HNMT: variants seen among roughly 807,000 people sequenced by gnomAD.
The protein encoded by HNMT is histamine N-methyltransferase.
In HNMT, 30 loss-of-function variants were observed where a neutral mutation model predicts 32.1. That is an observed-to-expected ratio of 0.93 (90% CI 0.70 to 1.27). The LOEUF is 1.27. Among genes scored for constraint, HNMT ranks in the 50% most tolerant of loss-of-function variants. HNMT has a pLI of 0.00. For synonymous variants in HNMT, 125 were observed against 119.0 expected (o/e 1.05, Z -0.33); for missense variants, 327 against 346.0 (o/e 0.95, Z 0.43).
intron 5 of HNMT, among the ~76,000 whole-genome samples, chr2:138,010,008 T>G (rs1456332242): frequency 1.3e-5 from 2 of 152,080 alleles, no homozygotes; most frequent in African/African-American, 4.8e-5. Flanking sequence ...TAAGTTCTGT[T>G]TTTATTAAGA....
At chr2:137,970,929 AAAAAAAAGAAAGAAAGAAAG>A (rs1558950951) in intron 2 of HNMT, among the ~76,000 whole-genome samples, 1 of 66,034 alleles carries the variant, frequency 1.5e-5, no homozygotes, top group East Asian at 5.7e-4. Flanking sequence ...CAAAAAAAAA[AAAAAAAAGAAAGAAAGAAAG>A]AAAGAAAGAA....
At chr2:138,009,005 A>G (rs536569363) in intron 5 of HNMT, among the ~76,000 whole-genome samples, 2 of 152,142 alleles carry the variant, frequency 1.3e-5, no homozygotes, top group African/African-American at 4.8e-5. Context: ...CATAGTATGC[A>G]TTTGACAAAG....
chr2:137,973,240 G>A (rs1680187538), intron 2 of HNMT, among the ~76,000 whole-genome samples: 1 of 152,132 alleles, frequency 6.6e-6, no homozygotes, highest in Non-Finnish European at 1.5e-5. Context: ...AGTGTTTTGA[G>A]GGGAAAGGAC....
At chr2:137,968,218 T>C (rs1243295004) in intron 1 of HNMT, among the ~76,000 whole-genome samples, 1 of 152,150 alleles carries the variant, frequency 6.6e-6, no homozygotes, top group Admixed American at 6.5e-5. Flanking sequence ...GTAAAGTTGG[T>C]TATTGTTGTT....
rs1558751827 is a variant in HNMT, at chr2:138,015,243, ATAAT to A, written c.*1118_*1121del. 1 of 152,068 alleles carries A rather than the reference ATAAT, an allele frequency of 6.6e-6. No individual in the cohort carries two copies. Among genetic ancestry groups the A allele is most frequent in the Non-Finnish European group, 1.5e-5 (1 of 68,014 alleles). 9.4% of individuals were successfully genotyped at this position (152,068 alleles called of 1,614,324 possible). ...ATTTTTGACATAAACAGTACATTTAATAATTAATAAATAAATATTTTAAGTATGT... is the reference window on the plus strand; with the variant it reads ...ATTTTTGACATAAACAGTACATTTAATAATAAATAAATATTTTAAGTATGT... On this transcript the variant is annotated 3_prime_UTR_variant, in exon 6 of 6. Transcript: ENST00000280097.
chr2:137,976,322 C>T (rs1446018554), intron 2 of HNMT, among the ~76,000 whole-genome samples: 1 of 150,688 alleles, frequency 6.6e-6, no homozygotes, highest in Non-Finnish European at 1.5e-5. Context: ...ATAACTTCCA[C>T]TCCTTGGGAG....
At chr2:137,966,072 G>T (rs1679948931) in intron 1 of HNMT, among the ~76,000 whole-genome samples, 1 of 152,108 alleles carries the variant, frequency 6.6e-6, no homozygotes, top group Non-Finnish European at 1.5e-5. Context: ...TTAGCTGAAG[G>T]ACTTTTAAAA....
intron 5 of HNMT, among the ~76,000 whole-genome samples, chr2:138,012,492 A>G (rs1405284811): frequency 6.6e-6 from 1 of 152,120 alleles, no homozygotes; most frequent in Non-Finnish European, 1.5e-5. Flanking sequence ...ATCTTTTTTT[A>G]TATAGAGATG....
At chr2:137,986,064 C>A (rs543342092) in intron 2 of HNMT, among the ~76,000 whole-genome samples, 4 of 151,708 alleles carry the variant, frequency 2.6e-5, no homozygotes, top group South Asian at 2.1e-4. Context: ...TGGTAATTAG[C>A]GTAGAGAGGT....
At chr2:137,992,355 C>T (rs1680847679) in intron 2 of HNMT, among the ~76,000 whole-genome samples, 1 of 152,208 alleles carries the variant, frequency 6.6e-6, no homozygotes, top group Admixed American at 6.5e-5. Context: ...TCTATAGCCC[C>T]AGGCTGTGCT....
rs567175873 is a variant in HNMT at position 137,973,781 on chromosome 2, G to T, written c.190+3564G>T. 4.6e-5 allele frequency among the ~76,000 whole-genome samples: 7 copies of T among 151,434 alleles called. No homozygotes were observed. The East Asian group carries it at 7.7e-4, about 17-fold the overall frequency. On this transcript the variant is annotated intron_variant, in intron 2 of 5. Transcript: ENST00000280097. ...CACTTAATTCTCATGGTTTTTTTTGGGGGGGGGTGGTCTATTTGATTTTTT... is the reference window on the plus strand; with the variant it reads ...CACTTAATTCTCATGGTTTTTTTTGTGGGGGGGTGGTCTATTTGATTTTTT...
At chr2:138,013,671 C>G in intron 5 of HNMT, 104 bp from the exon 6 acceptor site, 1 of 797,218 alleles carries the variant, frequency 1.3e-6, no homozygotes, top group East Asian at 2.7e-5. Flanking sequence ...GCACAAAGGA[C>G]AAGATTATTA....
intron 2 of HNMT, among the ~76,000 whole-genome samples, chr2:137,978,460 T>C (rs965456908): frequency 1.4e-5 from 2 of 141,692 alleles, no homozygotes; most frequent in African/African-American, 5.1e-5. Flanking sequence ...TAATATAGTA[T>C]TATACAATAC....
At chr2:138,010,555 GAA>G (rs1681473498) in intron 5 of HNMT, among the ~76,000 whole-genome samples, 3 of 151,304 alleles carry the variant, frequency 2.0e-5, no homozygotes, top group Admixed American at 2.0e-4. Flanking sequence ...TTTAGGGAAA[GAA>G]AAAGAAATTG....
At chr2:138,002,972 A>G (rs1681222656) in intron 4 of HNMT, among the ~76,000 whole-genome samples, 1 of 151,408 alleles carries the variant, frequency 6.6e-6, no homozygotes. Flanking sequence ...ATAGAAAGGG[A>G]GTGACGCAAG....
In HNMT at chr2:137,971,603, T is replaced by C. The variant is rs565771895; in HGVS notation, c.190+1386T>C. Among the ~76,000 whole-genome samples the C allele has an allele frequency of 2.0e-5, 3 of 152,342 alleles. No individual in the cohort carries two copies. The South Asian group carries it at 6.2e-4, about 32-fold the overall frequency. ...GTAACTCAGCCTCCAGTGAAATTTA[T>C]GATCTTGGCTAAAACATCAGTAAAA... On this transcript the variant is annotated intron_variant, in intron 2 of 5. Transcript: ENST00000280097.
At chr2:137,981,123 A>T (rs998199753) in intron 2 of HNMT, 1 of 1,394,390 alleles carries the variant, frequency 7.2e-7, no homozygotes. Context: ...GATAATATAT[A>T]TTTTGATATG....
At chr2:137,973,918 T>G (rs1336708550) in intron 2 of HNMT, among the ~76,000 whole-genome samples, 2 of 152,000 alleles carry the variant, frequency 1.3e-5, no homozygotes, top group East Asian at 3.9e-4. Flanking sequence ...GATTGTGAGG[T>G]TTTTGCAAAG....
Position 137,964,582 on chromosome 2 carries a change from T to G in HNMT, c.91T>G (p.Cys31Gly). 6.2e-7 allele frequency: 1 copy of G among 1,613,678 alleles called. No homozygotes were observed. Among genetic ancestry groups the G allele is most frequent in the Non-Finnish European group, 8.5e-7 (1 of 1,179,716 alleles). ...RFLNHSTEHQ[C>G]MQEFMDKKLP... ...TCTCAACCATTCCACGGAACACCAG[T>G]GCATGCAGGAATTCATGGACAAGAA... The change falls in exon 1 of 6, where the codon TGC becomes GGC. Residue 31 changes from cysteine (C) to glycine (G), a missense_variant. Transcript: ENST00000280097.
Sources: allele counts gnomAD v4.1 joint callset (sites outside exome capture counted in the v4.1 genomes callset), GRCh38; gene constraint gnomAD v4.1.1; transcripts MANE v1.5; gene names NCBI Gene and HGNC (gene_info 2026-07-23, HGNC 2026-07-21).